RBFOX1: variants seen among roughly 807,000 people sequenced by gnomAD.
The protein encoded by RBFOX1 is RNA binding protein fox-1 homolog 1.
RBFOX1 carries 8 observed loss-of-function variants against 57.7 expected under a neutral mutation model. The observed-to-expected ratio is 0.14, with a 90% CI of 0.08 to 0.25. RBFOX1 has a LOEUF of 0.25. RBFOX1 is among the 10% of genes least tolerant of loss of function. The pLI is 1.00. For synonymous variants in RBFOX1, 326 were observed against 222.4 expected (o/e 1.47, Z -4.15); for missense variants, 611 against 548.5 (o/e 1.11, Z -1.14).
chr16:7,385,530 G>A (rs2148168361), intron 4 of RBFOX1, among the ~76,000 whole-genome samples: 1 of 152,288 alleles, frequency 6.6e-6, no homozygotes, highest in East Asian at 1.9e-4. Flanking sequence ...GGGAAGAGCA[G>A]GAGTGAGCTT....
At chr16:6,628,052 C>T (rs2041667) in intron 2 of RBFOX1, among the ~76,000 whole-genome samples, 1 of 151,968 alleles carries the variant, frequency 6.6e-6, no homozygotes, top group Non-Finnish European at 1.5e-5. Flanking sequence ...GGTCACTGAG[C>T]GTGAATGTCC....
In RBFOX1 at chr16:6,930,575, A is replaced by C. The variant is rs142869551; in HGVS notation, c.-15-121482A>C. On this transcript the variant is annotated intron_variant, in intron 3 of 15. Coordinates refer to ENST00000550418, the MANE Select transcript of RBFOX1 (RefSeq NM_018723.4). Reference sequence around the variant, plus strand: ...CAGGTACCCCCCACCATGCCTGGCTAATTTTGGTACTTTTAGTAGAGATGG... The same window carrying C: ...CAGGTACCCCCCACCATGCCTGGCTCATTTTGGTACTTTTAGTAGAGATGG... Among the ~76,000 whole-genome samples, 28 of 151,856 alleles carry C rather than the reference A, an allele frequency of 1.8e-4. No homozygotes were observed. In the East Asian group the frequency reaches 3.5e-3, roughly 19 times the overall value.
At chr16:5,671,658 G>C (rs1248354531) in intron 3 of RBFOX1, among the ~76,000 whole-genome samples, 1 of 152,176 alleles carries the variant, frequency 6.6e-6, no homozygotes, top group African/African-American at 2.4e-5. Context: ...ACAGTTTGAT[G>C]GGCAAGTGAT....
At chr16:6,896,801 G>C (rs1388234947) in intron 3 of RBFOX1, among the ~76,000 whole-genome samples, 1 of 152,192 alleles carries the variant, frequency 6.6e-6, no homozygotes, top group Non-Finnish European at 1.5e-5. Flanking sequence ...GGGAGCATTT[G>C]AGATCATAGA....
At position 6,694,632 on chromosome 16, in the gene RBFOX1, C is replaced by G. The variant is rs183699344; in HGVS notation, c.-16+39982C>G. Among the ~76,000 whole-genome samples, 322 of 152,286 alleles carry G rather than the reference C, an allele frequency of 2.1e-3. 2 individuals are homozygous for G. Among genetic ancestry groups the G allele is most frequent in the Admixed American group, 4.1e-3 (63 of 15,292 alleles). ...TGCCATCCCAAAGTTCTGCCTTACA[C>G]TGTGTTGGTCTTATCATGGCCATTG... On this transcript the variant is annotated intron_variant, in intron 3 of 15. Transcript: ENST00000550418.
intron 3 of RBFOX1, among the ~76,000 whole-genome samples, chr16:6,739,003 A>G (rs560627040): frequency 2.0e-4 from 31 of 152,316 alleles, no homozygotes; most frequent in African/African-American, 6.0e-4. Flanking sequence ...TTAGAGGGAA[A>G]TGTATACCCC....
At chr16:6,713,677 C>T (rs576235511) in intron 3 of RBFOX1, among the ~76,000 whole-genome samples, 49 of 152,306 alleles carry the variant, frequency 3.2e-4, no homozygotes, top group African/African-American at 1.1e-3. Context: ...CAAACATCCC[C>T]TGTCCTCCCT....
chr16:7,166,972 C>CTTTTTTTTTTGTTTTTTTTTTTTTTTT (rs2079655859), intron 4 of RBFOX1, among the ~76,000 whole-genome samples: 1 of 49,098 alleles, frequency 2.0e-5, no homozygotes, highest in Non-Finnish European at 3.4e-5. Context: ...CATTGGTGTT[C>CTTTTTTTTTTGTTTTTTTTTTTTTTTT]TTTTTTTTTT....
At position 7,126,174 on chromosome 16, in the gene RBFOX1, C is replaced by T. The variant is rs140750421; in HGVS notation, c.27+74076C>T. The T allele has an allele frequency of 8.3e-4, 130 of 157,102 alleles. 1 individual carries two copies. The highest frequency in any genetic ancestry group is 2.7e-3 in the African/African-American group (111 of 41,604). 9.7% of individuals were successfully genotyped at this position (157,102 alleles called of 1,614,324 possible). A position where few individuals can be genotyped will look rare whatever the true frequency, so the allele number is the denominator to read the frequency against. ...TGTGTCACTTCTCCCTTGGTCTAAC[C>T]CACACAAAATCCCCACCCTGTCTGG... On this transcript the variant is annotated intron_variant, in intron 4 of 15. Coordinates refer to ENST00000550418, the MANE Select transcript of RBFOX1 (RefSeq NM_018723.4).
chr16:6,483,183 T>G (rs1164484241), intron 2 of RBFOX1: 1 of 1,144,888 alleles, frequency 8.7e-7, no homozygotes, highest in African/African-American at 1.6e-5. Flanking sequence ...GCGAGCGTTT[T>G]GGCGCGGACA....
intron 1 of RBFOX1, among the ~76,000 whole-genome samples, chr16:5,391,755 C>G (rs1189338895): frequency 6.6e-6 from 1 of 151,810 alleles, no homozygotes; most frequent in Non-Finnish European, 1.5e-5. Flanking sequence ...ATCTAGATTT[C>G]CTTTCTTAAA....
intron 4 of RBFOX1, among the ~76,000 whole-genome samples, chr16:7,234,588 ATG>A (rs138784510): frequency 0.021 from 3,019 of 141,802 alleles, 49 homozygotes; most frequent in African/African-American, 0.053. Flanking sequence ...GTGTATACAT[ATG>A]TGTGTGTGTG....
intron 4 of RBFOX1, among the ~76,000 whole-genome samples, chr16:5,924,038 T>G (rs997430271): frequency 6.6e-6 from 1 of 152,154 alleles, no homozygotes; most frequent in African/African-American, 2.4e-5. Flanking sequence ...TACCCCATGC[T>G]GTTCTCAGGA....
rs531891781 is a variant in RBFOX1 at position 7,290,525 on chromosome 16, T to A, written c.28-227622T>A. On this transcript the variant is annotated intron_variant, in intron 4 of 15. Coordinates refer to ENST00000550418, the MANE Select transcript of RBFOX1 (RefSeq NM_018723.4). Reference sequence around the variant, plus strand: ...CTATTTTCAAAAGGTAGCTGACGATTGAATAAATGAATTAACCAACTAGTA... The same window carrying A: ...CTATTTTCAAAAGGTAGCTGACGATAGAATAAATGAATTAACCAACTAGTA... Among the ~76,000 whole-genome samples the A allele has an allele frequency of 2.4e-4, 36 of 152,332 alleles. No individual in the cohort carries two copies. The South Asian group carries it at 5.2e-3, about 22-fold the overall frequency.
At chr16:6,766,213 C>G (rs1316858318) in intron 3 of RBFOX1, among the ~76,000 whole-genome samples, 1 of 152,036 alleles carries the variant, frequency 6.6e-6, no homozygotes, top group Non-Finnish European at 1.5e-5. Flanking sequence ...GCCCTTCAGT[C>G]CAACCAGAAT....
At chr16:5,966,939 C>G (rs1027801092) in intron 4 of RBFOX1, among the ~76,000 whole-genome samples, 2 of 134,348 alleles carry the variant, frequency 1.5e-5, no homozygotes, top group Non-Finnish European at 3.0e-5. Flanking sequence ...TTATTTTCTC[C>G]AGTCTAACAC....
In RBFOX1 at chr16:6,662,135, G is replaced by A. The variant is rs563111571; in HGVS notation, c.-16+7485G>A. Among the ~76,000 whole-genome samples the A allele has an allele frequency of 1.4e-4, 11 of 79,080 alleles. 1 individual carries two copies. The Admixed American group carries it at 1.5e-3, about 11-fold the overall frequency. The allele number at this position is 79,080 out of a possible 152,430, so 51.9% of individuals were successfully genotyped here. A position where few individuals can be genotyped will look rare whatever the true frequency, so the allele number is the denominator to read the frequency against. ...GGTGGTTGCCGAGGGCTGGGGGCGG[G>A]GTGAAAAAAAAGGGAGGATCTTGGT... On this transcript the variant is annotated intron_variant, in intron 3 of 15. Coordinates refer to ENST00000550418, the MANE Select transcript of RBFOX1 (RefSeq NM_018723.4).
chr16:6,455,988 C>T (rs2094762016), intron 2 of RBFOX1, among the ~76,000 whole-genome samples: 1 of 151,748 alleles, frequency 6.6e-6, no homozygotes, highest in African/African-American at 2.4e-5. Flanking sequence ...TGGAACTGAG[C>T]ACAAAGCTTA....
chr16:5,565,947 G>T (rs534129523), intron 2 of RBFOX1, among the ~76,000 whole-genome samples: 117 of 152,106 alleles, frequency 7.7e-4, no homozygotes, highest in African/African-American at 2.7e-3. Flanking sequence ...AGCATGGGGG[G>T]CAGTTTCCCC....
Sources: gnomAD v4.1 joint callset for allele counts (sites outside exome capture counted in the v4.1 genomes callset) on GRCh38, gnomAD v4.1.1 for gene constraint, MANE v1.5 for transcripts, NCBI Gene and HGNC (gene_info 2026-07-23, HGNC 2026-07-21) for gene names.